The following PRSS55 variants were observed in gnomAD, a reference collection of about 807,000 sequenced individuals.
PRSS55 encodes serine protease 55.
A neutral mutation model predicts 23.6 loss-of-function variants in PRSS55; 41 were observed. The observed-to-expected ratio is 1.74, with a 90% CI of 1.35 to 2.26. PRSS55 has a LOEUF of 2.26. Ranked by LOEUF, PRSS55 falls within the 30% of genes most tolerant of loss-of-function variation. PRSS55 has a pLI of 0.00. For missense variants in PRSS55, 669 were observed against 439.1 expected (o/e 1.52, Z -4.68); for synonymous variants, 262 against 175.5 (o/e 1.49, Z -3.90).
At chr8:10,529,439 C>A (rs1430518358) in intron 1 of PRSS55, 68 bp from the exon 2 acceptor site, 9 of 1,509,932 alleles carry the variant, frequency 6.0e-6, no homozygotes, top group Non-Finnish European at 7.4e-6. Context: ...CCAGCCCGGT[C>A]CCCAGCTCAC....
chr8:10,543,468 C>CT (rs59387702), downstream of PRSS55, among the ~76,000 whole-genome samples: 60,636 of 102,728 alleles, frequency 0.59, 19,211 homozygotes, highest in South Asian at 0.73. Flanking sequence ...TCCTTCCTTT[C>CT]TTTCTTTCTC....
downstream of PRSS55, among the ~76,000 whole-genome samples, chr8:10,539,956 C>T (rs979304902): frequency 2.6e-5 from 4 of 152,216 alleles, no homozygotes; most frequent in Non-Finnish European, 2.9e-5. Context: ...CCCTTTCCCT[C>T]GCCTCTCAAG....
chr8:10,546,089 C>G (rs1040444124), intron 4 of PRSS55, among the ~76,000 whole-genome samples: 20 of 152,078 alleles, frequency 1.3e-4, no homozygotes, highest in Non-Finnish European at 2.1e-4. Context: ...GGCTCGGTGT[C>G]ACTTATGCCC....
intron 4 of PRSS55, among the ~76,000 whole-genome samples, chr8:10,535,597 C>T (rs1585878249): frequency 6.6e-6 from 1 of 152,302 alleles, no homozygotes; most frequent in East Asian, 1.9e-4. Context: ...AAATATAAAA[C>T]CCAAAACTGT....
At chr8:10,536,065 A>G (rs954337510) in intron 4 of PRSS55, among the ~76,000 whole-genome samples, 1 of 152,168 alleles carries the variant, frequency 6.6e-6, no homozygotes, top group East Asian at 1.9e-4. Flanking sequence ...GGGTACCTGT[A>G]GTCCCAGCTA....
In PRSS55 at chr8:10,531,496, T is replaced by C. The variant is rs944754691; in HGVS notation, c.549T>C (p.Pro183=). ...VPICLPTQPG[P]ATWRECWVAG... is the part of the protein sequence containing the mutation. ...TCTGCCTCCCCACGCAGCCCGGCCC[T>C]GCCACATGGCGCGAATGCTGGGTGG... The change falls in exon 3 of 5, where the codon CCT becomes CCC. Residue 183 remains proline, a synonymous_variant. Transcript: ENST00000328655. The C allele has an allele frequency of 5.0e-6, 8 of 1,613,842 alleles. No individual in the cohort carries two copies. In the African/African-American group the frequency reaches 1.1e-4, roughly 22 times the overall value.
chr8:10,526,471 C>G (rs1056496506), intron 1 of PRSS55, among the ~76,000 whole-genome samples: 3 of 152,244 alleles, frequency 2.0e-5, no homozygotes, highest in African/African-American at 7.2e-5. Flanking sequence ...TCAGTCCAGC[C>G]TAGGGTCCAC....
chr8:10,530,170 A>G (rs1042922280), intron 2 of PRSS55, among the ~76,000 whole-genome samples: 1 of 152,210 alleles, frequency 6.6e-6, no homozygotes, highest in Non-Finnish European at 1.5e-5. Flanking sequence ...GGACCCTGCT[A>G]AGAAACTTTC....
intron 3 of PRSS55, 79 bp from the exon 4 acceptor site, chr8:10,532,827 G>A (rs1035003941): frequency 8.9e-6 from 14 of 1,575,804 alleles, no homozygotes; most frequent in Middle Eastern, 1.8e-4. Flanking sequence ...ACACAGGGCC[G>A]AGGGCACAGT....
intron 4 of PRSS55, among the ~76,000 whole-genome samples, chr8:10,536,713 A>G (rs1317836302): frequency 6.6e-6 from 1 of 152,236 alleles, no homozygotes; most frequent in Non-Finnish European, 1.5e-5. Context: ...TATCCTTTGC[A>G]GCAACTTGGA....
rs1812261594 is a variant in PRSS55, at chr8:10,531,472, C to G, written c.525C>G (p.Ile175Met). ...AGCTCGATGACCTGAAGGTGCCCAT[C>G]TGCCTCCCCACGCAGCCCGGCCCTG... Reference protein sequence around the residue: ...PIKLDDLKVPICLPTQPGPAT... With the variant: ...PIKLDDLKVPMCLPTQPGPAT... Residue 175 changes from isoleucine (I) to methionine (M), a missense_variant, in exon 3 of 5, where the codon ATC (isoleucine) becomes ATG (methionine). By Grantham distance (10) the Ile-to-Met change is conservative (BLOSUM62 1). Coordinates refer to ENST00000328655, the MANE Select transcript of PRSS55 (RefSeq NM_198464.4). 6.2e-7 allele frequency: 1 copy of G among 1,613,986 alleles called. No individual in the cohort carries two copies. Among genetic ancestry groups the G allele is most frequent in the Non-Finnish European group, 8.5e-7 (1 of 1,180,062 alleles).
Position 10,525,578 on chromosome 8 carries a change from C to G in PRSS55, c.-8C>G. 2 of 1,613,620 alleles carry G rather than the reference C, an allele frequency of 1.2e-6. No individual in the cohort carries two copies. The highest frequency in any genetic ancestry group is 1.7e-6 in the Non-Finnish European group (2 of 1,179,724). On this transcript the variant is annotated 5_prime_UTR_variant, in exon 1 of 5. Transcript: ENST00000328655. ...GTCACCCCCGGGCCCACAGCACAGCCCAGGGCCATGCTCCTGTTCTCAGTG... is the reference window on the plus strand; with the variant it reads ...GTCACCCCCGGGCCCACAGCACAGCGCAGGGCCATGCTCCTGTTCTCAGTG...
At chr8:10,549,202 G>T (rs1812896953) in intron 4 of PRSS55, among the ~76,000 whole-genome samples, 1 of 152,212 alleles carries the variant, frequency 6.6e-6, no homozygotes, top group Admixed American at 6.5e-5. Flanking sequence ...GATGAAGGAT[G>T]GAGCTGGGTC....
downstream of PRSS55, chr8:10,541,243 T>C (rs1812647705): frequency 6.6e-6 from 1 of 152,472 alleles, no homozygotes; most frequent in South Asian, 2.1e-4. Flanking sequence ...GTGGTTCCTT[T>C]TGTCTGTCAA....
Position 10,538,530 on chromosome 8 carries a change from C to A in PRSS55, c.796C>A (p.Gln266Lys). 6.2e-7 allele frequency: 1 copy of A among 1,614,130 alleles called. No homozygotes were observed. The highest frequency in any genetic ancestry group is 8.5e-7 in the Non-Finnish European group (1 of 1,180,018). ...CTPEPGEKWYQVGIISWGKSC... is the reference protein window; with the variant it reads ...CTPEPGEKWYKVGIISWGKSC... ...CCCAGAGCCTGGTGAGAAGTGGTACCAGGTGGGCATCATAAGCTGGGGAAA... is the reference window on the plus strand; with the variant it reads ...CCCAGAGCCTGGTGAGAAGTGGTACAAGGTGGGCATCATAAGCTGGGGAAA... The change falls in exon 5 of 5, where the codon CAG becomes AAG. Residue 266 changes from glutamine to lysine, a missense_variant. Coordinates refer to ENST00000328655, the MANE Select transcript of PRSS55 (RefSeq NM_198464.4).
chr8:10,545,216 CCGAGAGTG>C (rs1453783439), intron 4 of PRSS55: 6 of 85,542 alleles, frequency 7.0e-5, no homozygotes, highest in African/African-American at 1.9e-4. Context: ...TTTTTTTTTT[CCGAGAGTG>C]TCTCACTCTA....
chr8:10,531,179 A>C, intron 2 of PRSS55, 116 bp from the exon 3 acceptor site: 1 of 1,245,706 alleles, frequency 8.0e-7, no homozygotes, highest in Non-Finnish European at 1.1e-6. Flanking sequence ...CAGCCCCAGT[A>C]GGGTTTAAAG....
chr8:10,527,755 G>A lies in PRSS55; in HGVS notation c.155-1752G>A, dbSNP rs191162271. ...GGCAAACTACTTAACCTCTCTGTAC[G>A]TCAGTTGTCTCAATTACAAAGTGAG... is the stretch of plus-strand genomic sequence containing the variant. On this transcript the variant is annotated intron_variant, in intron 1 of 4. Transcript: ENST00000328655. Among the ~76,000 whole-genome samples the A allele has an allele frequency of 6.6e-5, 10 of 152,350 alleles. No homozygotes were observed. In the East Asian group the frequency reaches 1.5e-3, roughly 23 times the overall value.
intron 4 of PRSS55, among the ~76,000 whole-genome samples, chr8:10,550,445 T>A (rs576076659): frequency 3.9e-5 from 6 of 152,320 alleles, no homozygotes; most frequent in African/African-American, 1.2e-4. Flanking sequence ...TAGCATCATC[T>A]GGTGGCAGTT....
Sources: allele counts gnomAD v4.1 joint callset (sites outside exome capture counted in the v4.1 genomes callset), GRCh38; gene constraint gnomAD v4.1.1; transcripts MANE v1.5; gene names NCBI Gene and HGNC (gene_info 2026-07-23, HGNC 2026-07-21).